Variants in SHROOM2 observed in about 807,000 individuals in gnomAD.
The protein encoded by SHROOM2 is shroom family member 2, also known as protein Shroom2.
In SHROOM2, 33 loss-of-function variants were observed where a neutral mutation model predicts 75.9. The observed-to-expected ratio is 0.43, with a 90% confidence interval of 0.33 to 0.58. The LOEUF (loss-of-function observed/expected upper bound fraction) is 0.58, where lower values mean the gene tolerates loss of function less well. Ranked by LOEUF, SHROOM2 falls within the 20% of genes least tolerant of loss-of-function variation. SHROOM2 has a pLI of 0.04. For missense variants in SHROOM2, 1,434 were observed against 1,461.2 expected (o/e 0.98, Z 0.30); for synonymous variants, 655 against 663.6 (o/e 0.99, Z 0.20).
At chrX:9,888,209 TG>T (rs1184512914) in intron 2 of SHROOM2, among the ~76,000 whole-genome samples, 1 of 112,305 alleles carries the variant, frequency 8.9e-6, no homozygotes, top group Admixed American at 9.4e-5. Flanking sequence ...CCAGAAGCTT[TG>T]GGCCTTGGTT....
intron 1 of SHROOM2, among the ~76,000 whole-genome samples, chrX:9,796,494 C>T (rs989401379): frequency 9.0e-6 from 1 of 111,254 alleles, no homozygotes; most frequent in Non-Finnish European, 1.9e-5. Context: ...CAGTACATTT[C>T]CTATGTTATT....
chrX:9,940,255 A>C (rs2084757082), intron 8 of SHROOM2, among the ~76,000 whole-genome samples: 1 of 112,362 alleles, frequency 8.9e-6, no homozygotes. Context: ...CGGTTTTTCC[A>C]CACAGAACCA....
At chrX:9,829,058 CTG>C (rs1354106433) in intron 1 of SHROOM2, among the ~76,000 whole-genome samples, 1 of 111,043 alleles carries the variant, frequency 9.0e-6, no homozygotes, top group African/African-American at 3.3e-5. Context: ...GATTCTCTCT[CTG>C]TTGCCCAGGC....
Position 9,898,256 on chromosome X carries a change from G to T in SHROOM2, c.2857G>T (p.Ala953Ser). 2.5e-6 allele frequency: 3 copies of T among 1,183,952 alleles called. No homozygotes were observed. The highest frequency in any genetic ancestry group is 3.1e-5 in the East Asian group (1 of 32,571). Residue 953 changes from alanine (A) to serine (S), a missense_variant, in exon 5 of 10, where the codon GCA (alanine) becomes TCA (serine). Ala to Ser is a moderately conservative substitution (Grantham distance 99). This residue lies in a region of SHROOM2 where 1,340 missense variants were observed against 1,338.3 expected (regional missense o/e 1.00). Coordinates refer to ENST00000380913, the MANE Select transcript of SHROOM2 (RefSeq NM_001649.4). ...PGEPREELPS[A>S]VRAEEGQSTP... ...CGAGCCCAGAGAAGAGCTTCCCTCC[G>T]CAGTCCGGGCCGAGGAGGGACAGTC...
chrX:9,854,736 G>A (rs768843017), intron 1 of SHROOM2, among the ~76,000 whole-genome samples: 13 of 111,555 alleles, frequency 1.2e-4, no homozygotes, highest in Non-Finnish European at 2.3e-4. Flanking sequence ...TTCTGCTGTA[G>A]TGGTGTGAGC....
At position 9,872,026 on chromosome X, in the gene SHROOM2, T is replaced by C. The variant is rs571433926; in HGVS notation, c.166-1626T>C. ...GTGTAAAACAGTTGGCAAACCATTT[T>C]TGGAACAAGCCCAGTAGTAAATATT... On this transcript the variant is annotated intron_variant, in intron 1 of 9. Coordinates refer to ENST00000380913, the MANE Select transcript of SHROOM2 (RefSeq NM_001649.4). 3.3e-4 allele frequency among the ~76,000 whole-genome samples: 37 copies of C among 112,452 alleles called. No individual in the cohort carries two copies. In the South Asian group the frequency reaches 8.8e-3, roughly 27 times the overall value.
At chrX:9,931,383 G>A (rs113838572) in intron 5 of SHROOM2, among the ~76,000 whole-genome samples, 1,807 of 111,186 alleles carry the variant, frequency 0.016, 43 homozygotes, top group African/African-American at 0.056. Context: ...GCGTGGTGGC[G>A]CATGCCTGTA....
chrX:9,808,501 A>G lies in SHROOM2; in HGVS notation c.165+21791A>G, dbSNP rs141207810. ...GAGTTGGAGGCTGCAGTGAGCTATCATTACGGCACTGTACTCCAGCCTAGG... is the reference window on the plus strand; with the variant it reads ...GAGTTGGAGGCTGCAGTGAGCTATCGTTACGGCACTGTACTCCAGCCTAGG... On this transcript the variant is annotated intron_variant, in intron 1 of 9. Coordinates refer to ENST00000380913, the MANE Select transcript of SHROOM2 (RefSeq NM_001649.4). Among the ~76,000 whole-genome samples the G allele has an allele frequency of 3.0e-4, 33 of 110,616 alleles. No homozygotes were observed. In the East Asian group the frequency reaches 8.2e-3, roughly 28 times the overall value.
At chrX:9,823,059 CCT>C (rs2083864376) in intron 1 of SHROOM2, among the ~76,000 whole-genome samples, 3 of 31,075 alleles carry the variant, frequency 9.7e-5, no homozygotes, top group African/African-American at 2.0e-4. Flanking sequence ...TCCTCCTCCT[CCT>C]CCTCCTCCTC....
At chrX:9,897,102 C>T (rs2084337205) in intron 4 of SHROOM2, among the ~76,000 whole-genome samples, 1 of 112,170 alleles carries the variant, frequency 8.9e-6, no homozygotes, top group Non-Finnish European at 1.9e-5. Flanking sequence ...ACTTTTCAAA[C>T]ACTGATGGAT....
chrX:9,917,713 C>G (rs2084503641), intron 5 of SHROOM2, among the ~76,000 whole-genome samples: 1 of 111,352 alleles, frequency 9.0e-6, no homozygotes, highest in African/African-American at 3.3e-5. Flanking sequence ...TTAGTAGAGA[C>G]AGGGTGTCAC....
chrX:9,887,745 G>A (rs888652284), intron 2 of SHROOM2, among the ~76,000 whole-genome samples: 4 of 112,775 alleles, frequency 3.5e-5, no homozygotes, highest in Non-Finnish European at 5.6e-5. Context: ...CATGATAGAA[G>A]GGTTGGGGAG....
At chrX:9,873,178 A>C (rs866951355) in intron 1 of SHROOM2, among the ~76,000 whole-genome samples, 35 of 112,021 alleles carry the variant, frequency 3.1e-4, no homozygotes, top group African/African-American at 1.1e-3. Flanking sequence ...GGGTTAGGGG[A>C]AATGCCCTAA....
At chrX:9,841,049 G>T (rs970638368) in intron 1 of SHROOM2, among the ~76,000 whole-genome samples, 6 of 111,585 alleles carry the variant, frequency 5.4e-5, no homozygotes, top group African/African-American at 2.0e-4. Context: ...TCCACGTCCT[G>T]GGTTCAAGCA....
chrX:9,851,520 G>A (rs958361402), intron 1 of SHROOM2, among the ~76,000 whole-genome samples: 7 of 89,164 alleles, frequency 7.9e-5, no homozygotes, highest in African/African-American at 8.2e-5. Flanking sequence ...GCGTGATCAC[G>A]GCTGACTGCA....
chrX:9,901,733 AG>A (rs1488016520), intron 5 of SHROOM2, among the ~76,000 whole-genome samples: 4 of 112,221 alleles, frequency 3.6e-5, no homozygotes, highest in Non-Finnish European at 5.6e-5. Context: ...ATGGTTTGGC[AG>A]GGGGACAGTG....
intron 1 of SHROOM2, among the ~76,000 whole-genome samples, chrX:9,848,481 G>A (rs1271330459): frequency 2.7e-4 from 21 of 78,960 alleles, no homozygotes; most frequent in Non-Finnish European, 4.3e-4. Flanking sequence ...TCCGCAGTCC[G>A]GCCTGGGCGA....
intron 1 of SHROOM2, among the ~76,000 whole-genome samples, chrX:9,866,990 C>A (rs2084143174): frequency 9.1e-6 from 1 of 110,418 alleles, no homozygotes; most frequent in Non-Finnish European, 1.9e-5. Context: ...AGGGTCACAT[C>A]CCCCTCATGC....
intron 1 of SHROOM2, among the ~76,000 whole-genome samples, chrX:9,792,029 T>A (rs867329930): frequency 0.59 from 1,139 of 1,946 alleles, 103 homozygotes; most frequent in African/African-American, 0.62. Context: ...TAGAATAGAA[T>A]AGAATAGAAT....
Sources: allele counts gnomAD v4.1 joint callset (sites outside exome capture counted in the v4.1 genomes callset), GRCh38; gene constraint gnomAD v4.1.1; regional missense constraint gnomAD v4.1.1; transcripts MANE v1.5; gene names NCBI Gene and HGNC (gene_info 2026-07-23, HGNC 2026-07-21).